TTLL4: variants seen among roughly 807,000 people sequenced by gnomAD.
TTLL4 encodes the protein tubulin tyrosine ligase like 4.
A neutral mutation model predicts 122.7 loss-of-function variants in TTLL4; 85 were observed. The ratio of observed to expected loss-of-function variants is 0.69; its 90% CI spans 0.58 to 0.83. The LOEUF is 0.83. TTLL4 is among the 40% of genes least tolerant of loss of function. The pLI is 0.00. For missense variants in TTLL4, 1,363 were observed against 1,488.6 expected (o/e 0.92, Z 1.39); for synonymous variants, 553 against 563.0 (o/e 0.98, Z 0.25).
chr2:218,719,354 C>A (rs749243122), intron 1 of TTLL4, among the ~76,000 whole-genome samples: 2 of 152,070 alleles, frequency 1.3e-5, no homozygotes, highest in Admixed American at 6.5e-5. Context: ...GAAAGTATCA[C>A]GTGAGAGGGA....
In TTLL4 at chr2:218,754,644, C is replaced by G. The variant is rs1216983676; in HGVS notation, c.*255C>G. The G allele has an allele frequency of 5.4e-6, 3 of 554,642 alleles. No homozygotes were observed. The African/African-American group carries it at 5.6e-5, about 10-fold the overall frequency. 34.4% of individuals were successfully genotyped at this position (554,642 alleles called of 1,614,324 possible). A position where few individuals can be genotyped will look rare whatever the true frequency, so the allele number is the denominator to read the frequency against. ...GGCACCTCATATCTCAGCAGAGAAG[C>G]CAGTGGTGGCCACGCAGCCTTATAA... On this transcript the variant is annotated 3_prime_UTR_variant, in exon 20 of 20. Coordinates refer to ENST00000392102, the MANE Select transcript of TTLL4 (RefSeq NM_014640.5).
At chr2:218,751,900 T>TTC in intron 16 of TTLL4, 94 bp downstream of exon 16, 1 of 655,512 alleles carries the variant, frequency 1.5e-6, no homozygotes, top group Non-Finnish European at 2.2e-6. Context: ...TTTTTTTTTC[T>TTC]TTTCTTTTTC....
chr2:218,735,407 T>TA (rs1255671601), intron 2 of TTLL4, among the ~76,000 whole-genome samples: 1 of 151,784 alleles, frequency 6.6e-6, no homozygotes, highest in Non-Finnish European at 1.5e-5. Flanking sequence ...CCTATCTTAA[T>TA]AAAAAAATTT....
chr2:218,739,242 C>G, intron 3 of TTLL4, 79 bp downstream of exon 3: 1 of 1,483,194 alleles, frequency 6.7e-7, no homozygotes, highest in Non-Finnish European at 8.9e-7. Flanking sequence ...GACCCTGTAC[C>G]TCTGAAGGTT....
At chr2:218,712,577 C>T (rs1284968696) in intron 1 of TTLL4, among the ~76,000 whole-genome samples, 4 of 151,954 alleles carry the variant, frequency 2.6e-5, no homozygotes, top group Non-Finnish European at 5.9e-5. Context: ...TTAGTAGAGA[C>T]GGGGTTTCAC....
chr2:218,728,922 T>TA (rs1942271683), intron 2 of TTLL4, among the ~76,000 whole-genome samples: 1 of 80,474 alleles, frequency 1.2e-5, no homozygotes, highest in African/African-American at 1.3e-4. Flanking sequence ...TGGTGGTCTA[T>TA]TTTTTTTTTT....
Position 218,745,863 on chromosome 2 carries a change from G to A in TTLL4, c.1897+62G>A, listed in dbSNP as rs912289233. 25 of 1,470,162 alleles carry A rather than the reference G, an allele frequency of 1.7e-5. No individual in the cohort carries two copies. In the Admixed American group the frequency reaches 4.2e-4, roughly 25 times the overall value. 91.1% of individuals were successfully genotyped at this position (1,470,162 alleles called of 1,614,324 possible). A position where few individuals can be genotyped will look rare whatever the true frequency, so the allele number is the denominator to read the frequency against. On this transcript the variant is annotated intron_variant, in intron 7 of 19. Coordinates refer to ENST00000392102, the MANE Select transcript of TTLL4 (RefSeq NM_014640.5). ...CCCCAAATAGATGGGCTTTGCATAG[G>A]GGGAGAGCTCTAGACACCTCGTGCC...
At position 218,730,309 on chromosome 2, in the gene TTLL4, TCCAAAAAAAAAAAAAAAAAAAAAAA is replaced by T. The variant is rs1274334997; in HGVS notation, c.-99+2963_-99+2987del. 1.3e-4 allele frequency among the ~76,000 whole-genome samples: 10 copies of T among 76,510 alleles called. No individual in the cohort carries two copies. In the East Asian group the frequency reaches 3.2e-3, roughly 25 times the overall value. 50.2% of individuals were successfully genotyped at this position (76,510 alleles called of 152,430 possible). A position where few individuals can be genotyped will look rare whatever the true frequency, so the allele number is the denominator to read the frequency against. ...GGTGAAACCCCATCTTTACTAAAAATCCAAAAAAAAAAAAAAAAAAAAAAAAAAAAAAAAAAAAAAGAAAAAAAAT... is the reference window on the plus strand; with the variant it reads ...GGTGAAACCCCATCTTTACTAAAAATAAAAAAAAAAAAAAAGAAAAAAAAT... On this transcript the variant is annotated intron_variant, in intron 2 of 19. Transcript: ENST00000392102.
chr2:218,712,443 A>G (rs1477438873), intron 1 of TTLL4, among the ~76,000 whole-genome samples: 2 of 151,232 alleles, frequency 1.3e-5, no homozygotes, highest in Admixed American at 1.3e-4. Context: ...CTGGAGTGCA[A>G]TGGCACGATC....
At chr2:218,718,602 T>C (rs1559356574) in intron 1 of TTLL4, among the ~76,000 whole-genome samples, 1 of 152,166 alleles carries the variant, frequency 6.6e-6, no homozygotes, top group Non-Finnish European at 1.5e-5. Context: ...GGTTTCGAAC[T>C]CTCGACCTCA....
chr2:218,733,355 G>A (rs140874695), intron 2 of TTLL4, among the ~76,000 whole-genome samples: 423 of 152,244 alleles, frequency 2.8e-3, no homozygotes, highest in African/African-American at 9.5e-3. Context: ...CAGTTGTGGC[G>A]GAAGGGGAAG....
intron 2 of TTLL4, among the ~76,000 whole-genome samples, chr2:218,732,712 G>A (rs1427782660): frequency 6.6e-6 from 1 of 152,216 alleles, no homozygotes; most frequent in Non-Finnish European, 1.5e-5. Context: ...CTGTAGGGCA[G>A]TGGGCAGGAT....
At chr2:218,759,237 C>G (rs1237285221), downstream of TTLL4, among the ~76,000 whole-genome samples, 1 of 150,986 alleles carries the variant, frequency 6.6e-6, no homozygotes, top group Non-Finnish European at 1.5e-5. Flanking sequence ...AGGAGCAACA[C>G]TCCGTCTCAA....
At chr2:218,743,095 T>G (rs1399225894) in intron 5 of TTLL4, among the ~76,000 whole-genome samples, 2 of 151,904 alleles carry the variant, frequency 1.3e-5, no homozygotes, top group Non-Finnish European at 2.9e-5. Context: ...AGTGAGCCGG[T>G]ATCGTGCCAC....
rs369308487 is a variant in TTLL4, at chr2:218,720,674, C to CAA, written c.-177-6579_-177-6578dup. Among the ~76,000 whole-genome samples the CAA allele has an allele frequency of 7.6e-3, 548 of 72,378 alleles. 7 individuals carry two copies. The highest frequency in any genetic ancestry group is 0.024 in the African/African-American group (514 of 21,410). 47.5% of individuals were successfully genotyped at this position (72,378 alleles called of 152,430 possible). ...GGGCAACACAGTGAGACTCCGGTCTCAAAAAAAAAAAAAAAAAGAAAGAAA... is the reference window on the plus strand; with the variant it reads ...GGGCAACACAGTGAGACTCCGGTCTCAAAAAAAAAAAAAAAAAAAGAAAGAAA... On this transcript the variant is annotated intron_variant, in intron 1 of 19. Coordinates refer to ENST00000392102, the MANE Select transcript of TTLL4 (RefSeq NM_014640.5).
At chr2:218,713,660 T>C (rs1456023112) in intron 1 of TTLL4, among the ~76,000 whole-genome samples, 3 of 152,198 alleles carry the variant, frequency 2.0e-5, no homozygotes. Flanking sequence ...GTAAAGAATA[T>C]GTTCCAGGAA....
At chr2:218,750,217 G>A (rs1296599647) in intron 15 of TTLL4, 71 bp downstream of exon 15, 1 of 1,551,824 alleles carries the variant, frequency 6.4e-7, no homozygotes, top group East Asian at 2.3e-5. Context: ...GGGAAGGAAT[G>A]GGTTCTGGGT....
chr2:218,757,172 G>T (rs1173117797), downstream of TTLL4, among the ~76,000 whole-genome samples: 1 of 152,188 alleles, frequency 6.6e-6, no homozygotes, highest in Non-Finnish European at 1.5e-5. Context: ...TGCTGTCCAA[G>T]CCCTGTGCCC....
intron 15 of TTLL4, 36 bp from the exon 16 acceptor site, chr2:218,751,668 C>T (rs1943017065): frequency 1.2e-6 from 2 of 1,606,584 alleles, no homozygotes; most frequent in Non-Finnish European, 1.7e-6. Flanking sequence ...AAGCTGCTGA[C>T]CCTGCCCTTT....
Sources: allele counts gnomAD v4.1 joint callset (sites outside exome capture counted in the v4.1 genomes callset), GRCh38; gene constraint gnomAD v4.1.1; transcripts MANE v1.5; gene names NCBI Gene and HGNC (gene_info 2026-07-23, HGNC 2026-07-21).